BLMH: variants seen among roughly 807,000 people sequenced by gnomAD.
The protein encoded by BLMH is bleomycin hydrolase, also known as BLM hydrolase.
BLMH carries 32 observed loss-of-function variants against 61.6 expected under a neutral mutation model. The observed-to-expected ratio is 0.52, with a 90% confidence interval of 0.39 to 0.70. The LOEUF is 0.70. Ranked by LOEUF, BLMH falls within the 30% of genes least tolerant of loss-of-function variation. BLMH has a pLI of 0.00. For missense variants in BLMH, 460 were observed against 555.5 expected (o/e 0.83, Z 1.73); for synonymous variants, 183 against 193.8 (o/e 0.94, Z 0.46).
At chr17:30,265,075 T>C (rs888612792) in intron 11 of BLMH, among the ~76,000 whole-genome samples, 5 of 152,256 alleles carry the variant, frequency 3.3e-5, no homozygotes, top group African/African-American at 9.6e-5. Flanking sequence ...AGAACAATTA[T>C]AGAAATCACA....
intron 6 of BLMH, among the ~76,000 whole-genome samples, chr17:30,281,456 C>G (rs540927949): frequency 2.8e-4 from 42 of 152,030 alleles, no homozygotes; most frequent in Admixed American, 1.4e-3. Flanking sequence ...CTTCCAAAAC[C>G]TTGCTTCTTC....
intron 10 of BLMH, among the ~76,000 whole-genome samples, chr17:30,269,184 T>G (rs970063604): frequency 2.0e-5 from 3 of 147,838 alleles, no homozygotes; most frequent in East Asian, 2.0e-4. Flanking sequence ...TTTATTGTTT[T>G]TTTTTTTTTT....
intron 11 of BLMH, 143 bp downstream of exon 11, chr17:30,266,742 G>A (rs1370410641): frequency 1.1e-5 from 8 of 747,738 alleles, no homozygotes; most frequent in Non-Finnish European, 1.8e-5. Context: ...GGGCAAATCA[G>A]ATCCTCAGAT....
At chr17:30,266,303 G>A (rs907118646) in intron 11 of BLMH, among the ~76,000 whole-genome samples, 2 of 151,914 alleles carry the variant, frequency 1.3e-5, no homozygotes, top group African/African-American at 4.8e-5. Flanking sequence ...CGAGGCGGGC[G>A]GATCACGAGG....
chr17:30,249,192 A>G (rs1349934434), intron 11 of BLMH, 24 bp from the exon 12 acceptor site: 5 of 1,613,554 alleles, frequency 3.1e-6, no homozygotes, highest in Non-Finnish European at 4.2e-6. Context: ...CAGAAGACTT[A>G]TGAGTCCAGA....
intron 2 of BLMH, chr17:30,291,102 T>G: frequency 1.7e-6 from 1 of 601,602 alleles, no homozygotes; most frequent in South Asian, 2.0e-5. Context: ...GTCACTTTTG[T>G]ACTCTAACCG....
At chr17:30,275,336 A>T (rs1299381496) in intron 6 of BLMH, among the ~76,000 whole-genome samples, 2 of 152,158 alleles carry the variant, frequency 1.3e-5, no homozygotes, top group Non-Finnish European at 2.9e-5. Flanking sequence ...CGATCCAAGG[A>T]TATACTTTAT....
intron 11 of BLMH, among the ~76,000 whole-genome samples, chr17:30,262,286 G>C (rs1237926424): frequency 6.6e-6 from 1 of 152,140 alleles, no homozygotes; most frequent in Non-Finnish European, 1.5e-5. Flanking sequence ...TCATAACTAA[G>C]TGAACCAATC....
chr17:30,264,673 A>T (rs11658814), intron 11 of BLMH, among the ~76,000 whole-genome samples: 8,036 of 152,332 alleles, frequency 0.053, 271 homozygotes, highest in Middle Eastern at 0.078. Context: ...GCTCATCTAA[A>T]CAAATATAAC....
At chr17:30,249,238 G>C in intron 11 of BLMH, 70 bp from the exon 12 acceptor site, 1 of 1,485,652 alleles carries the variant, frequency 6.7e-7, no homozygotes, top group Non-Finnish European at 9.2e-7. Context: ...CTTTTTGTAG[G>C]ATAAACCTTT....
chr17:30,290,508 A>T (rs1908855574), intron 2 of BLMH, among the ~76,000 whole-genome samples: 1 of 152,262 alleles, frequency 6.6e-6, no homozygotes, highest in African/African-American at 2.4e-5. Flanking sequence ...ATGTACATAC[A>T]ATAAAATGTA....
chr17:30,275,894 G>A (rs1223765864), intron 6 of BLMH, among the ~76,000 whole-genome samples: 6 of 151,958 alleles, frequency 3.9e-5, no homozygotes, highest in South Asian at 2.1e-4. Flanking sequence ...ATTTCTATCC[G>A]CTATCACATT....
chr17:30,282,258 C>G (rs1212657729), intron 6 of BLMH, among the ~76,000 whole-genome samples: 1 of 138,242 alleles, frequency 7.2e-6, no homozygotes, highest in Non-Finnish European at 1.5e-5. Flanking sequence ...GAGCCTTGCT[C>G]TGTCACCCAG....
At chr17:30,281,770 T>A (rs1335214839) in intron 6 of BLMH, among the ~76,000 whole-genome samples, 1 of 152,168 alleles carries the variant, frequency 6.6e-6, no homozygotes, top group Non-Finnish European at 1.5e-5. Context: ...TGGGCACAAG[T>A]GATCTTCCAC....
chr17:30,258,726 C>T (rs559218701), intron 11 of BLMH, among the ~76,000 whole-genome samples: 1 of 152,254 alleles, frequency 6.6e-6, no homozygotes, highest in East Asian at 1.9e-4. Context: ...AGGGTGAACC[C>T]GGAGAGGAAA....
chr17:30,260,432 G>A (rs1907925782), intron 11 of BLMH, among the ~76,000 whole-genome samples: 1 of 152,196 alleles, frequency 6.6e-6, no homozygotes, highest in South Asian at 2.1e-4. Context: ...GTCTGTCCTT[G>A]CCCAAATAAT....
At chr17:30,287,670 T>A in intron 4 of BLMH, 136 bp downstream of exon 4, 1 of 968,604 alleles carries the variant, frequency 1.0e-6, no homozygotes, top group Non-Finnish European at 1.5e-6. Flanking sequence ...GAACTAAAGG[T>A]CCTTAGAAAT....
In BLMH at chr17:30,249,002, A is replaced by G. The variant is rs541524896; in HGVS notation, c.*15T>C. 3.1e-6 allele frequency: 5 copies of G among 1,613,504 alleles called. No homozygotes were observed. In the South Asian group the frequency reaches 4.4e-5, roughly 14 times the overall value. On this transcript the variant is annotated 3_prime_UTR_variant, in exon 12 of 12. Coordinates refer to ENST00000261714, the MANE Select transcript of BLMH (RefSeq NM_000386.4). ...GTCAGGTTCCATGGAAGGAGGAAAG[A>G]GCTGGAGGGCAGTATCACTCAGCCA... is the stretch of plus-strand genomic sequence containing the variant.
intron 11 of BLMH, among the ~76,000 whole-genome samples, chr17:30,251,017 A>G (rs1472667744): frequency 2.0e-5 from 3 of 152,230 alleles, no homozygotes; most frequent in Admixed American, 6.5e-5. Flanking sequence ...TCTCACTTAT[A>G]TAAGTTGGAG....
Sources: allele counts gnomAD v4.1 joint callset (sites outside exome capture counted in the v4.1 genomes callset), GRCh38; gene constraint gnomAD v4.1.1; transcripts MANE v1.5; gene names NCBI Gene and HGNC (gene_info 2026-07-23, HGNC 2026-07-21).